CPNE5: variants seen among roughly 807,000 people sequenced by gnomAD.
CPNE5 encodes copine 5.
A neutral mutation model predicts 81.1 loss-of-function variants in CPNE5; 42 were observed. That is an observed-to-expected ratio of 0.52 (90% CI 0.40 to 0.67). The LOEUF (loss-of-function observed/expected upper bound fraction) is 0.67, where lower values mean the gene tolerates loss of function less well. CPNE5 is among the 30% of genes least tolerant of loss of function. The pLI, the probability that CPNE5 is intolerant of heterozygous loss-of-function variation, is 0.00. For missense variants in CPNE5, 612 were observed against 815.5 expected (o/e 0.75, Z 3.04); for synonymous variants, 313 against 321.5 (o/e 0.97, Z 0.28).
intron 3 of CPNE5, among the ~76,000 whole-genome samples, chr6:36,803,989 A>T (rs1488516291): frequency 6.6e-6 from 1 of 152,294 alleles, no homozygotes; most frequent in Non-Finnish European, 1.5e-5. Flanking sequence ...ACTAACATTT[A>T]CTGAGCCCCT....
At chr6:36,805,001 A>C (rs1031814320) in intron 3 of CPNE5, among the ~76,000 whole-genome samples, 8 of 148,902 alleles carry the variant, frequency 5.4e-5, no homozygotes, top group Non-Finnish European at 1.2e-4. Flanking sequence ...TACTTGGACG[A>C]ATAACAAAGG....
Position 36,816,682 on chromosome 6 carries a change from C to T in CPNE5, c.183+5432G>A, listed in dbSNP as rs1036611607. The stretch of plus-strand genomic sequence containing the variant: ...CCAGAGGCGGTTCCATAGAGACAAT[C>T]TGGATTTTTCTTTAATTCTCCATTC... On this transcript the variant is annotated intron_variant, in intron 3 of 20. Transcript: ENST00000244751. Among the ~76,000 whole-genome samples the T allele has an allele frequency of 2.0e-5, 3 of 152,226 alleles. No individual in the cohort carries two copies. The East Asian group carries it at 5.8e-4, about 29-fold the overall frequency.
chr6:36,759,650 T>A (rs1191555167), intron 12 of CPNE5, among the ~76,000 whole-genome samples: 3 of 151,452 alleles, frequency 2.0e-5, no homozygotes, highest in Non-Finnish European at 4.4e-5. Flanking sequence ...GGCTCTGGGG[T>A]GGGGCGGGTG....
intron 14 of CPNE5, among the ~76,000 whole-genome samples, chr6:36,752,115 C>T (rs1228432749): frequency 6.6e-6 from 1 of 152,092 alleles, no homozygotes; most frequent in Non-Finnish European, 1.5e-5. Flanking sequence ...TGTGGCTTCC[C>T]AGGACCTGAC....
intron 3 of CPNE5, among the ~76,000 whole-genome samples, chr6:36,817,843 C>T (rs1043771917): frequency 6.6e-6 from 1 of 152,138 alleles, no homozygotes; most frequent in South Asian, 2.1e-4. Flanking sequence ...GTTTGGAAGT[C>T]CCTTGGGGTT....
intron 7 of CPNE5, chr6:36,792,351 T>C (rs2150507996): frequency 6.6e-7 from 1 of 1,513,670 alleles, no homozygotes; most frequent in South Asian, 1.2e-5. Context: ...GGAAGGGTAG[T>C]GCCTGCAGTG....
intron 3 of CPNE5, among the ~76,000 whole-genome samples, chr6:36,816,162 C>CA (rs1182404670): frequency 6.6e-6 from 1 of 152,194 alleles, no homozygotes; most frequent in African/African-American, 2.4e-5. Context: ...GTCACACAGT[C>CA]AGTAAATATC....
At chr6:36,743,508 C>G (rs1763761494) in intron 20 of CPNE5, among the ~76,000 whole-genome samples, 181 bp downstream of exon 20, 1 of 152,228 alleles carries the variant, frequency 6.6e-6, no homozygotes, top group African/African-American at 2.4e-5. Context: ...GGGCCCAGCC[C>G]AGACCACAGC....
chr6:36,837,043 T>C (rs977195931), intron 1 of CPNE5, among the ~76,000 whole-genome samples: 5 of 152,240 alleles, frequency 3.3e-5, no homozygotes, highest in African/African-American at 1.2e-4. Flanking sequence ...AGGCCTCTTA[T>C]GCAAGAGGTT....
intron 2 of CPNE5, among the ~76,000 whole-genome samples, chr6:36,822,537 A>G (rs1772151463): frequency 6.6e-6 from 1 of 152,148 alleles, no homozygotes; most frequent in Non-Finnish European, 1.5e-5. Flanking sequence ...GGTGGGTGTG[A>G]TGGACGACAA....
chr6:36,805,367 G>C (rs1356768634), intron 3 of CPNE5, among the ~76,000 whole-genome samples: 1 of 152,248 alleles, frequency 6.6e-6, no homozygotes, highest in Non-Finnish European at 1.5e-5. Context: ...GCCTGTCCCT[G>C]CTTCCAAGCC....
intron 1 of CPNE5, among the ~76,000 whole-genome samples, chr6:36,834,943 G>T (rs1773343180): frequency 6.6e-6 from 1 of 152,114 alleles, no homozygotes; most frequent in Non-Finnish European, 1.5e-5. Context: ...GAGACCCAGG[G>T]CACAGCTCCT....
chr6:36,816,147 C>T (rs1474027369), intron 3 of CPNE5, among the ~76,000 whole-genome samples: 1 of 152,192 alleles, frequency 6.6e-6, no homozygotes, highest in East Asian at 1.9e-4. Context: ...AAATAACTCA[C>T]CTAGGTCACA....
intron 12 of CPNE5, among the ~76,000 whole-genome samples, chr6:36,762,665 A>G (rs1197949475): frequency 6.6e-6 from 1 of 152,162 alleles, no homozygotes; most frequent in Non-Finnish European, 1.5e-5. Context: ...TGGGGACACT[A>G]TAACTCGGTG....
chr6:36,745,505 T>C lies in CPNE5; in HGVS notation c.1211A>G (p.Gln404Arg), dbSNP rs1176375654. The C allele has an allele frequency of 6.3e-7, 1 of 1,599,422 alleles. No individual in the cohort carries two copies. The highest frequency in any genetic ancestry group is 2.3e-5 in the East Asian group (1 of 44,304). The change falls in exon 17 of 21, where the codon CAG (glutamine) becomes CGG (arginine). Residue 404 changes from glutamine (Q) to arginine (R), a missense_variant. Physicochemically the swap from Gln to Arg is conservative, Grantham distance 43. Coordinates refer to ENST00000244751, the MANE Select transcript of CPNE5 (RefSeq NM_020939.2). ...GATGCCACAGCATGAGGGGTTCTCCTGGTTGCCATTCTGGGGGACAGAGGG... is the reference window on the plus strand; with the variant it reads ...GATGCCACAGCATGAGGGGTTCTCCCGGTTGCCATTCTGGGGGACAGAGGG... The part of the protein sequence containing the change: ...VSHEFPLNGN[Q>R]ENPSCCGIDG...
intron 8 of CPNE5, among the ~76,000 whole-genome samples, chr6:36,781,226 A>G (rs1768011879): frequency 6.6e-6 from 1 of 152,114 alleles, no homozygotes; most frequent in Non-Finnish European, 1.5e-5. Flanking sequence ...CCAGACAGGG[A>G]GAAGGAAGCT....
chr6:36,817,873 T>C lies in CPNE5; in HGVS notation c.183+4241A>G, dbSNP rs559204697. On this transcript the variant is annotated intron_variant, in intron 3 of 20. Coordinates refer to ENST00000244751, the MANE Select transcript of CPNE5 (RefSeq NM_020939.2). ...GGGGTTCTAGAAACCAGGACTCCCC[T>C]TCCTCCCAAGGCCTGGAGTAGTAAT... Among the ~76,000 whole-genome samples, 6 of 152,256 alleles carry C rather than the reference T, an allele frequency of 3.9e-5. No homozygotes were observed. The East Asian group carries it at 1.2e-3, about 29-fold the overall frequency.
intron 9 of CPNE5, 32 bp downstream of exon 9, chr6:36,778,822 G>C (rs751520016): frequency 7.1e-6 from 10 of 1,414,278 alleles, no homozygotes; most frequent in South Asian, 1.2e-5. Flanking sequence ...GGACGAGAAG[G>C]TGCAGTGCAC....
chr6:36,790,196 T>C (rs1241292695), intron 8 of CPNE5, among the ~76,000 whole-genome samples: 3 of 152,222 alleles, frequency 2.0e-5, no homozygotes, highest in African/African-American at 7.2e-5. Context: ...TCAGATGTTA[T>C]AACACATCAT....
Sources: allele counts gnomAD v4.1 joint callset (sites outside exome capture counted in the v4.1 genomes callset), GRCh38; gene constraint gnomAD v4.1.1; transcripts MANE v1.5; gene names NCBI Gene and HGNC (gene_info 2026-07-23, HGNC 2026-07-21).